The following SIRPA variants were observed in gnomAD, a reference collection of about 807,000 sequenced individuals.
SIRPA encodes the protein tyrosine-protein phosphatase non-receptor type substrate 1.
SIRPA carries 9 observed loss-of-function variants against 50.3 expected under a neutral mutation model. That is an observed-to-expected ratio of 0.18 (90% CI 0.11 to 0.31). The LOEUF (loss-of-function observed/expected upper bound fraction) is 0.31. Among genes scored for constraint, SIRPA ranks in the 10% least tolerant of loss-of-function variants. SIRPA has a pLI of 1.00. For missense variants in SIRPA, 474 were observed against 661.6 expected (o/e 0.72, Z 3.11); for synonymous variants, 265 against 284.1 (o/e 0.93, Z 0.68).
At chr20:1,899,765 A>G (rs1984059109) in intron 1 of SIRPA, among the ~76,000 whole-genome samples, 1 of 152,136 alleles carries the variant, frequency 6.6e-6, no homozygotes, top group Non-Finnish European at 1.5e-5. Context: ...GAGCCCTGCT[A>G]CTGACTTGGA....
Position 1,922,345 on chromosome 20 carries a change from G to T in SIRPA, c.787G>T (p.Val263Leu). The T allele has an allele frequency of 6.2e-7, 1 of 1,614,128 alleles. No individual in the cohort carries two copies. Among genetic ancestry groups the T allele is most frequent in the Non-Finnish European group, 8.5e-7 (1 of 1,179,970 alleles). ...PPTLEVTQQPVRAENQVNVTC... is the reference protein window; with the variant it reads ...PPTLEVTQQPLRAENQVNVTC... ...CACCTTGGAGGTTACTCAACAGCCC[G>T]TGAGGGCAGAGAACCAGGTGAATGT... Residue 263 changes from valine to leucine, a missense_variant, in exon 4 of 8, where the codon GTG (valine) becomes TTG (leucine). Physicochemically the swap from Val to Leu is conservative, Grantham distance 32 (BLOSUM62 1). Transcript: ENST00000358771.
Position 1,922,608 on chromosome 20 carries a change from A to G in SIRPA, c.1050A>G (p.Ser350=), listed in dbSNP as rs1985733644. The G allele has an allele frequency of 6.2e-7, 1 of 1,613,722 alleles. No individual in the cohort carries two copies. The highest frequency in any genetic ancestry group is 8.5e-7 in the Non-Finnish European group (1 of 1,179,810). Residue 350 remains serine (S), a synonymous_variant, in exon 4 of 8, where the codon TCA becomes TCG. Transcript: ENST00000358771. The part of the protein sequence containing the change: ...AVSKSHDLKV[S]AHPKEQGSNT... The stretch of plus-strand genomic sequence containing the variant: ...GCAAAAGCCATGACCTGAAGGTCTC[A>G]GCCCACCCGAAGGAGCAGGGCTCAA...
At chr20:1,926,676 A>G (rs959166757) in intron 5 of SIRPA, among the ~76,000 whole-genome samples, 1 of 152,210 alleles carries the variant, frequency 6.6e-6, no homozygotes, top group Admixed American at 6.5e-5. Flanking sequence ...TGACATTACT[A>G]ACCCCACTTT....
intron 2 of SIRPA, among the ~76,000 whole-genome samples, chr20:1,920,753 G>C (rs550405838): frequency 6.6e-6 from 1 of 152,348 alleles, no homozygotes; most frequent in African/African-American, 2.4e-5. Flanking sequence ...GAGAGCTTTG[G>C]ATATGAATAA....
intron 1 of SIRPA, among the ~76,000 whole-genome samples, chr20:1,905,693 T>C (rs1568495591): frequency 6.6e-6 from 1 of 152,236 alleles, no homozygotes; most frequent in East Asian, 1.9e-4. Flanking sequence ...TAGATGTCAA[T>C]GTCCTCTACC....
At position 1,932,335 on chromosome 20, in the gene SIRPA, A is replaced by C. The variant is rs2284295; in HGVS notation, c.1227-2380A>C. Among the ~76,000 whole-genome samples the C allele has an allele frequency of 0.31, 47,783 of 152,022 alleles. 7,720 individuals carry two copies. The highest frequency in any genetic ancestry group is 0.43 in the South Asian group (2,079 of 4,816). ...GGGCGAGCAGGGAGGGCTTGTCTGC[A>C]AGGTGACATTTAGAAGATCACTGAA... On this transcript the variant is annotated intron_variant, in intron 6 of 7. Coordinates refer to ENST00000358771, the MANE Select transcript of SIRPA (RefSeq NM_001040023.2). The surrounding 1 kb of genome is among the most constrained non-coding windows in gnomAD (Gnocchi z 6.0).
At chr20:1,920,328 G>A (rs1985573337) in intron 2 of SIRPA, among the ~76,000 whole-genome samples, 1 of 152,202 alleles carries the variant, frequency 6.6e-6, no homozygotes, top group African/African-American at 2.4e-5. Flanking sequence ...AATGTTTGAT[G>A]GGTGTGAGGG....
At chr20:1,913,906 GGTCCCTGTCTTGTGTGCCCCAGT>G (rs1426090613) in intron 1 of SIRPA, among the ~76,000 whole-genome samples, 4 of 152,046 alleles carry the variant, frequency 2.6e-5, no homozygotes, top group Non-Finnish European at 5.9e-5. Flanking sequence ...CTCCACCCAG[GGTCCCTGTCTTGTGTGCCCCAGT>G]GTCTCTGATT....
At chr20:1,914,427 G>T (rs1366312701) in intron 1 of SIRPA, among the ~76,000 whole-genome samples, 1 of 151,514 alleles carries the variant, frequency 6.6e-6, no homozygotes, top group Non-Finnish European at 1.5e-5. Context: ...CTATTTTACA[G>T]ATGAAGAAAC....
chr20:1,897,168 T>C (rs1983882646), intron 1 of SIRPA, among the ~76,000 whole-genome samples: 2 of 152,152 alleles, frequency 1.3e-5, no homozygotes, highest in South Asian at 4.1e-4. Flanking sequence ...CCAACACCTT[T>C]CTTGTGAGCA....
In SIRPA at chr20:1,928,889, T is replaced by C. The variant is rs780442860; in HGVS notation, c.1226+990T>C. ...CTGTGAAAAGCCTTTATCGGCTTTT[T>C]GGAAGGCCTCTGATCTTCATCCCCA... On this transcript the variant is annotated intron_variant, in intron 6 of 7. Coordinates refer to ENST00000358771, the MANE Select transcript of SIRPA (RefSeq NM_001040023.2). The surrounding 1 kb of genome is among the most constrained non-coding windows in gnomAD (Gnocchi z 4.9). Among the ~76,000 whole-genome samples the C allele has an allele frequency of 6.6e-6, 1 of 152,176 alleles. No individual in the cohort carries two copies. The highest frequency in any genetic ancestry group is 1.5e-5 in the Non-Finnish European group (1 of 68,028).
At chr20:1,895,323 G>A, upstream of SIRPA, 1 of 584,210 alleles carries the variant, frequency 1.7e-6, no homozygotes, top group African/African-American at 2.0e-5. Context: ...CCGTTCCGGA[G>A]TCGGGGGGAG....
Position 1,900,983 on chromosome 20 carries a change from G to C in SIRPA, c.79+5457G>C, listed in dbSNP as rs767410290. Among the ~76,000 whole-genome samples the C allele has an allele frequency of 1.3e-3, 195 of 152,288 alleles. 3 individuals are homozygous for C. The highest frequency in any genetic ancestry group is 3.4e-3 in the Middle Eastern group (1 of 294). On this transcript the variant is annotated intron_variant, in intron 1 of 7. Transcript: ENST00000358771. ...GCCCAAGGCCACACCGTAAGCGCCA[G>C]ATGTGGATAACCACTGTCGGCCTAA... is the stretch of plus-strand genomic sequence containing the variant.
intron 5 of SIRPA, among the ~76,000 whole-genome samples, chr20:1,926,683 C>T (rs1434515671): frequency 6.6e-6 from 1 of 152,232 alleles, no homozygotes; most frequent in African/African-American, 2.4e-5. Flanking sequence ...ACTAACCCCA[C>T]TTTACAGATG....
In SIRPA at chr20:1,937,405, C is replaced by G; in HGVS notation, c.1352C>G (p.Thr451Arg). ...CAGGCTGCGGAGCCCAACAACCACA[C>G]GGAGTATGCCAGCATTCAGACCAGC... ...APQAAEPNNH[T>R]EYASIQTSPQ... The change falls in exon 8 of 8, where the codon ACG (threonine) becomes AGG (arginine). Residue 451 changes from threonine to arginine, a missense_variant. By Grantham distance (71) the Thr-to-Arg change is moderately conservative. Around this residue, in one of 4 missense-constraint regions of SIRPA, gnomAD observed 180 missense variants for 206.7 expected, o/e 0.87. Transcript: ENST00000358771. This position sits in a 1 kb window ranked among gnomAD's most constrained non-coding sequence, Gnocchi z 8.3. 2.5e-6 allele frequency: 4 copies of G among 1,614,118 alleles called. No homozygotes were observed. Among genetic ancestry groups the G allele is most frequent in the African/African-American group, 1.3e-5 (1 of 75,016 alleles).
intron 1 of SIRPA, among the ~76,000 whole-genome samples, chr20:1,902,233 C>T (rs1272893404): frequency 6.6e-6 from 1 of 152,038 alleles, no homozygotes; most frequent in African/African-American, 2.4e-5. Context: ...TATCATTTCA[C>T]CCACCGATAC....
chr20:1,915,368 G>C lies in SIRPA; in HGVS notation c.349G>C (p.Gly117Arg). ...RIGNITPADA[G>R]TYYCVKFRKG... ...CGGTAACATCACCCCAGCAGATGCCGGCACCTACTACTGTGTGAAGTTCCG... is the reference window on the plus strand; with the variant it reads ...CGGTAACATCACCCCAGCAGATGCCCGCACCTACTACTGTGTGAAGTTCCG... Residue 117 changes from glycine to arginine, a missense_variant, in exon 2 of 8, where the codon GGC becomes CGC. Gly to Arg is a moderately radical substitution (Grantham distance 125). Coordinates refer to ENST00000358771, the MANE Select transcript of SIRPA (RefSeq NM_001040023.2). The C allele has an allele frequency of 6.2e-7, 1 of 1,611,274 alleles. No homozygotes were observed. Among genetic ancestry groups the C allele is most frequent in the Non-Finnish European group, 8.5e-7 (1 of 1,179,168 alleles).
At chr20:1,896,508 G>A (rs946532159) in intron 1 of SIRPA, among the ~76,000 whole-genome samples, 1 of 152,058 alleles carries the variant, frequency 6.6e-6, no homozygotes, top group Non-Finnish European at 1.5e-5. Context: ...AGAGAAAAAT[G>A]GGGATCTTGT....
At chr20:1,915,060 G>C in intron 1 of SIRPA, 39 bp from the exon 2 acceptor site, 1 of 1,439,716 alleles carries the variant, frequency 6.9e-7, no homozygotes, top group Non-Finnish European at 9.5e-7. Context: ...AGAGGATCAC[G>C]TAAGGATGAA....
Sources: gnomAD v4.1 joint callset for allele counts (sites outside exome capture counted in the v4.1 genomes callset) on GRCh38, gnomAD v4.1.1 for gene constraint, gnomAD v4.1.1 regional missense constraint, Gnocchi (gnomAD v3.1) non-coding constraint, MANE v1.5 for transcripts, NCBI Gene and HGNC (gene_info 2026-07-23, HGNC 2026-07-21) for gene names.